Variants in NOP58 observed in about 807,000 individuals in gnomAD.
The protein encoded by NOP58 is NOP58 ribonucleoprotein.
NOP58 carries 44 observed loss-of-function variants against 71.2 expected under a neutral mutation model. The ratio of observed to expected loss-of-function variants is 0.62; its 90% CI spans 0.49 to 0.79. The LOEUF is 0.79. NOP58 is among the 30% of genes least tolerant of loss of function. The probability of loss-of-function intolerance (pLI) is 0.00; values close to 1 mark genes in which losing one functional copy is unlikely to be tolerated. For synonymous variants in NOP58, 228 were observed against 200.3 expected (o/e 1.14, Z -1.17); for missense variants, 538 against 620.2 (o/e 0.87, Z 1.41).
At chr2:202,266,021 C>T in intron 1 of NOP58, 35 bp downstream of exon 1, 2 of 1,610,190 alleles carry the variant, frequency 1.2e-6, no homozygotes, top group Non-Finnish European at 1.7e-6. Flanking sequence ...AGGGGGAAGG[C>T]GGATGCTGGA....
chr2:202,267,209 C>CAT (rs1457999296), intron 1 of NOP58, among the ~76,000 whole-genome samples: 15 of 152,018 alleles, frequency 9.9e-5, no homozygotes, highest in Admixed American at 6.6e-4. Flanking sequence ...GTATATTCTA[C>CAT]ATATATATAT....
chr2:202,293,023 T>C, intron 9 of NOP58, 120 bp downstream of exon 9: 1 of 1,029,082 alleles, frequency 9.7e-7, no homozygotes, highest in Non-Finnish European at 1.5e-6. Context: ...CAAAAGTAGA[T>C]GATATGTGGG....
Position 202,293,697 on chromosome 2 carries a change from A to C in NOP58, c.907+794A>C, listed in dbSNP as rs369126476. ...GCAATTCTCCTGCCTCAGGCTCCCA[A>C]GTTGCTGGGATTACAGGCATGTGCT... is the stretch of plus-strand genomic sequence containing the variant. On this transcript the variant is annotated intron_variant, in intron 9 of 14. Coordinates refer to ENST00000264279, the MANE Select transcript of NOP58 (RefSeq NM_015934.5). Among the ~76,000 whole-genome samples the C allele has an allele frequency of 1.8e-4, 27 of 152,086 alleles. No homozygotes were observed. In the East Asian group the frequency reaches 3.7e-3, roughly 21 times the overall value.
chr2:202,292,665 C>T (rs1416173115), intron 8 of NOP58, 112 bp from the exon 9 acceptor site: 41 of 816,930 alleles, frequency 5.0e-5, no homozygotes, highest in Non-Finnish European at 7.7e-5. Flanking sequence ...TACCCAGTAC[C>T]CAGGGTTGTG....
Position 202,280,300 on chromosome 2 carries a change from A to G in NOP58, c.176-2051A>G, listed in dbSNP as rs79235876. On this transcript the variant is annotated intron_variant, in intron 3 of 14. Coordinates refer to ENST00000264279, the MANE Select transcript of NOP58 (RefSeq NM_015934.5). ...CAGGAATTTAAGATCAGCCTGGGCA[A>G]TATAGCAAGACCCCCTCTCAAAAAA... Among the ~76,000 whole-genome samples the G allele has an allele frequency of 6.7e-3, 1,024 of 152,230 alleles. 13 individuals are homozygous for G. Among genetic ancestry groups the G allele is most frequent in the African/African-American group, 0.024 (997 of 41,538 alleles).
At chr2:202,284,273 A>C (rs981816486) in intron 4 of NOP58, 72 bp from the exon 5 acceptor site, 4 of 1,334,200 alleles carry the variant, frequency 3.0e-6, no homozygotes, top group Admixed American at 5.2e-5. Context: ...ACTGTGTCTC[A>C]AAAAATAATA....
chr2:202,282,850 C>T (rs2105844689), intron 4 of NOP58, among the ~76,000 whole-genome samples: 1 of 151,984 alleles, frequency 6.6e-6, no homozygotes, highest in Admixed American at 6.6e-5. Flanking sequence ...GGGTGTATTG[C>T]TGGAGATGAA....
chr2:202,297,578 T>C, intron 11 of NOP58, 65 bp downstream of exon 11: 1 of 1,490,634 alleles, frequency 6.7e-7, no homozygotes, highest in South Asian at 1.2e-5. Flanking sequence ...CTGAGTAAAT[T>C]TATTAACTTC....
chr2:202,291,023 A>G (rs1424490894), intron 7 of NOP58, 102 bp from the exon 8 acceptor site: 2 of 1,071,116 alleles, frequency 1.9e-6, no homozygotes, highest in Non-Finnish European at 2.6e-6. Flanking sequence ...TTGTTTAGGC[A>G]TCCTTTTCAT....
intron 10 of NOP58, among the ~76,000 whole-genome samples, chr2:202,296,717 T>TTTGTTTG (rs1553573752): frequency 3.4e-5 from 5 of 149,194 alleles, no homozygotes; most frequent in South Asian, 2.1e-4. Context: ...CCACGCTTTT[T>TTTGTTTG]TTTGTTTGTT....
chr2:202,296,351 G>A (rs539106820), intron 10 of NOP58, among the ~76,000 whole-genome samples: 1 of 151,894 alleles, frequency 6.6e-6, no homozygotes, highest in Non-Finnish European at 1.5e-5. Flanking sequence ...TTACATGCAC[G>A]TGCCACCACG....
At chr2:202,302,083 C>CTTTTTTTT (rs71031885) in intron 13 of NOP58, among the ~76,000 whole-genome samples, 114 of 90,564 alleles carry the variant, frequency 1.3e-3, no homozygotes, top group South Asian at 3.0e-3. Context: ...TTTTTTTTTT[C>CTTTTTTTT]TTTTTTTTTT....
intron 9 of NOP58, chr2:202,293,244 G>A: frequency 1.0e-5 from 4 of 400,640 alleles, no homozygotes; most frequent in South Asian, 3.8e-5. Flanking sequence ...ACCTAGATTT[G>A]AATACAGTTT....
At chr2:202,298,832 C>A (rs190502949) in intron 12 of NOP58, among the ~76,000 whole-genome samples, 35 of 151,996 alleles carry the variant, frequency 2.3e-4, no homozygotes, top group African/African-American at 8.4e-4. Context: ...TGTGATGATG[C>A]AGGTAGAATG....
At chr2:202,275,547 C>G (rs975169454) in intron 2 of NOP58, 2 of 168,692 alleles carry the variant, frequency 1.2e-5, no homozygotes, top group Admixed American at 1.3e-4. Flanking sequence ...TAAGCACTTA[C>G]CGCACACAGG....
chr2:202,282,605 A>G, intron 4 of NOP58, 133 bp downstream of exon 4: 1 of 812,664 alleles, frequency 1.2e-6, no homozygotes, highest in East Asian at 2.6e-5. Flanking sequence ...AAGCTACATG[A>G]TAATGGATTT....
intron 13 of NOP58, among the ~76,000 whole-genome samples, chr2:202,302,271 T>C (rs1689108093): frequency 6.6e-6 from 1 of 151,732 alleles, no homozygotes; most frequent in Non-Finnish European, 1.5e-5. Context: ...TGTATTTTTA[T>C]TAGATACAGG....
At chr2:202,278,427 A>G (rs1688641730) in intron 3 of NOP58, 1 of 357,084 alleles carries the variant, frequency 2.8e-6, no homozygotes, top group Non-Finnish European at 5.6e-6. Context: ...AAATAATTTA[A>G]AAAGCTCTTC....
chr2:202,296,012 G>A (rs541139689), intron 10 of NOP58, among the ~76,000 whole-genome samples, 175 bp downstream of exon 10: 9 of 152,214 alleles, frequency 5.9e-5, no homozygotes, highest in Admixed American at 5.9e-4. Flanking sequence ...GATAAGGTTA[G>A]AAGAAACTGT....
Sources: gnomAD v4.1 joint callset for allele counts (sites outside exome capture counted in the v4.1 genomes callset) on GRCh38, gnomAD v4.1.1 for gene constraint, MANE v1.5 for transcripts, NCBI Gene and HGNC (gene_info 2026-07-23, HGNC 2026-07-21) for gene names.